Variants in CNTN5 observed in about 807,000 individuals in gnomAD.
CNTN5 encodes contactin 5.
CNTN5 carries 77 observed loss-of-function variants against 129.1 expected under a neutral mutation model. The ratio of observed to expected loss-of-function variants is 0.60; its 90% confidence interval spans 0.50 to 0.72. The LOEUF (loss-of-function observed/expected upper bound fraction) is 0.72. Among genes scored for constraint, CNTN5 ranks in the 30% least tolerant of loss-of-function variants. The probability of loss-of-function intolerance (pLI) is 0.00; values close to 1 mark genes in which losing one functional copy is unlikely to be tolerated. For missense variants in CNTN5, 1,478 were observed against 1,328.8 expected (o/e 1.11, Z -1.75); for synonymous variants, 509 against 465.6 (o/e 1.09, Z -1.20).
chr11:100,217,694 G>A (rs1388153347), intron 15 of CNTN5, among the ~76,000 whole-genome samples: 1 of 152,138 alleles, frequency 6.6e-6, no homozygotes, highest in Non-Finnish European at 1.5e-5. Context: ...AAGCAAAAAT[G>A]TGTATTGTCT....
chr11:99,373,709 C>CT (rs202152431), intron 2 of CNTN5, among the ~76,000 whole-genome samples: 24 of 33,102 alleles, frequency 7.3e-4, no homozygotes, highest in Admixed American at 1.2e-3. Context: ...AAAACTCCGT[C>CT]TCAAAAAAAA....
intron 7 of CNTN5, among the ~76,000 whole-genome samples, chr11:99,956,268 A>G (rs7946230): frequency 0.32 from 49,096 of 152,002 alleles, 9,204 homozygotes; most frequent in African/African-American, 0.52. Flanking sequence ...GAAAGTCCCA[A>G]TGAACTTAAA....
chr11:99,706,828 T>C (rs1331348542), intron 3 of CNTN5, among the ~76,000 whole-genome samples: 1 of 147,448 alleles, frequency 6.8e-6, no homozygotes, highest in Admixed American at 7.0e-5. Context: ...TGTTGATTTA[T>C]TTGTGTCTGG....
chr11:99,641,461 G>T (rs966445249), intron 3 of CNTN5, among the ~76,000 whole-genome samples: 15 of 152,264 alleles, frequency 9.9e-5, no homozygotes, highest in African/African-American at 3.6e-4. Context: ...TCTCACCTCT[G>T]TATGGGACTG....
chr11:99,518,721 G>A (rs916044122), intron 2 of CNTN5, among the ~76,000 whole-genome samples: 1 of 151,964 alleles, frequency 6.6e-6, no homozygotes, highest in Non-Finnish European at 1.5e-5. Flanking sequence ...TTGTAGTCCA[G>A]AGAATTTGAA....
At chr11:99,300,854 A>C (rs181854905) in intron 1 of CNTN5, among the ~76,000 whole-genome samples, 140 of 152,158 alleles carry the variant, frequency 9.2e-4, no homozygotes, top group African/African-American at 2.9e-3. Flanking sequence ...CTTGTAAAAC[A>C]TGATGCTTTC....
At chr11:99,214,944 G>T (rs1161732340) in intron 1 of CNTN5, among the ~76,000 whole-genome samples, 1 of 151,868 alleles carries the variant, frequency 6.6e-6, no homozygotes, top group Non-Finnish European at 1.5e-5. Flanking sequence ...GTAAGTCTAT[G>T]ATTAGACTCC....
intron 1 of CNTN5, among the ~76,000 whole-genome samples, chr11:99,111,939 G>A (rs1199886119): frequency 6.6e-6 from 1 of 151,994 alleles, no homozygotes; most frequent in Non-Finnish European, 1.5e-5. Flanking sequence ...ATTCACCTAT[G>A]CAGTTCACTA....
chr11:99,370,149 A>C (rs1015430081), intron 2 of CNTN5, among the ~76,000 whole-genome samples: 1 of 152,208 alleles, frequency 6.6e-6, no homozygotes, highest in Non-Finnish European at 1.5e-5. Flanking sequence ...CAAAAGATGT[A>C]GCAAAATGAA....
intron 3 of CNTN5, among the ~76,000 whole-genome samples, chr11:99,710,198 G>A (rs1399484772): frequency 6.6e-6 from 1 of 151,638 alleles, no homozygotes; most frequent in Non-Finnish European, 1.5e-5. Flanking sequence ...TCCCATTCTA[G>A]GGTCACCGCT....
intron 2 of CNTN5, among the ~76,000 whole-genome samples, chr11:99,511,937 A>T (rs1199750414): frequency 6.6e-6 from 1 of 152,078 alleles, no homozygotes; most frequent in East Asian, 1.9e-4. Context: ...CAATGTTATG[A>T]GTCAAAAAAG....
At chr11:99,247,748 G>T (rs1861889487) in intron 1 of CNTN5, among the ~76,000 whole-genome samples, 1 of 152,056 alleles carries the variant, frequency 6.6e-6, no homozygotes, top group African/African-American at 2.4e-5. Context: ...TGCTGAGAAT[G>T]ATGGTTTCCA....
At chr11:99,887,782 GAA>G (rs752344991) in intron 6 of CNTN5, among the ~76,000 whole-genome samples, 4 of 152,212 alleles carry the variant, frequency 2.6e-5, no homozygotes, top group Non-Finnish European at 4.4e-5. Flanking sequence ...AGATGAAACT[GAA>G]AGACTAAGCA....
intron 3 of CNTN5, among the ~76,000 whole-genome samples, chr11:99,681,968 G>A (rs1953575089): frequency 1.3e-5 from 2 of 152,112 alleles, no homozygotes; most frequent in South Asian, 4.1e-4. Context: ...AAAGCAAGGA[G>A]TTAATGGAGT....
chr11:99,358,119 C>T (rs112997367), intron 2 of CNTN5, among the ~76,000 whole-genome samples: 1,929 of 144,666 alleles, frequency 0.013, 36 homozygotes, highest in African/African-American at 0.039. Flanking sequence ...GACAGAGTCT[C>T]GCTCTGTCGC....
intron 3 of CNTN5, among the ~76,000 whole-genome samples, chr11:99,764,240 G>T (rs1004839990): frequency 2.0e-5 from 3 of 151,894 alleles, no homozygotes; most frequent in African/African-American, 7.3e-5. Context: ...ATTATTTGAT[G>T]AGTAGGACAA....
chr11:100,222,679 C>A (rs4754675), intron 15 of CNTN5, among the ~76,000 whole-genome samples: 3 of 151,462 alleles, frequency 2.0e-5, no homozygotes, highest in African/African-American at 7.3e-5. Context: ...CACAAAACAA[C>A]ATCAACAACA....
chr11:99,619,494 C>T lies in CNTN5; in HGVS notation c.55+63225C>T, dbSNP rs534617422. Among the ~76,000 whole-genome samples, 44 of 152,070 alleles carry T rather than the reference C, an allele frequency of 2.9e-4. 1 individual carries two copies. In the South Asian group the frequency reaches 8.9e-3, roughly 31 times the overall value. Reference sequence around the variant, plus strand: ...TCACATTTCCATGGAGCTGTCATCACCATCTATCTCCAGAAATTTGTTACT... The same window carrying T: ...TCACATTTCCATGGAGCTGTCATCATCATCTATCTCCAGAAATTTGTTACT... On this transcript the variant is annotated intron_variant, in intron 3 of 24. Coordinates refer to ENST00000524871, the MANE Select transcript of CNTN5 (RefSeq NM_014361.4).
At chr11:99,186,706 C>A (rs1322466498) in intron 1 of CNTN5, among the ~76,000 whole-genome samples, 2 of 152,010 alleles carry the variant, frequency 1.3e-5, no homozygotes, top group East Asian at 1.9e-4. Flanking sequence ...GGGACAGATT[C>A]TTTTCTTAGA....
Sources: gnomAD v4.1 joint callset for allele counts (sites outside exome capture counted in the v4.1 genomes callset) on GRCh38, gnomAD v4.1.1 for gene constraint, MANE v1.5 for transcripts, NCBI Gene and HGNC (gene_info 2026-07-23, HGNC 2026-07-21) for gene names.